ZNF804B: variants seen among roughly 807,000 people sequenced by gnomAD.
The protein encoded by ZNF804B is zinc finger protein 804B, also known as zinc finger 804B.
In ZNF804B, 80 loss-of-function variants were observed where a neutral mutation model predicts 101.4. The observed-to-expected ratio is 0.79, with a 90% confidence interval of 0.66 to 0.95. The LOEUF is 0.95. Ranked by LOEUF, ZNF804B falls within the 40% of genes least tolerant of loss-of-function variation. The pLI, the probability that ZNF804B is intolerant of heterozygous loss-of-function variation, is 0.00. For missense variants in ZNF804B, 1,673 were observed against 1,561.9 expected, an observed-to-expected ratio of 1.07 and a Z score of -1.20; for synonymous variants, 622 against 558.8, an observed-to-expected ratio of 1.11 and a Z score of -1.59.
chr7:88,985,138 A>T (rs1793741853), intron 1 of ZNF804B, among the ~76,000 whole-genome samples: 1 of 151,956 alleles, frequency 6.6e-6, no homozygotes. Context: ...TATAGTCTAT[A>T]GTAGTTTTTG....
intron 1 of ZNF804B, among the ~76,000 whole-genome samples, chr7:88,844,390 CCTT>C (rs1178761890): frequency 6.6e-6 from 1 of 152,158 alleles, no homozygotes; most frequent in Admixed American, 6.5e-5. Flanking sequence ...TCACCCCCAA[CCTT>C]CTTTTTTGTG....
intron 1 of ZNF804B, among the ~76,000 whole-genome samples, chr7:88,929,922 G>C (rs1792857970): frequency 6.6e-6 from 1 of 151,856 alleles, no homozygotes; most frequent in South Asian, 2.1e-4. Context: ...TAACGACTAA[G>C]CATTTTTTCT....
At chr7:89,323,318 A>C (rs1188570897) in intron 2 of ZNF804B, among the ~76,000 whole-genome samples, 1 of 152,266 alleles carries the variant, frequency 6.6e-6, no homozygotes, top group Non-Finnish European at 1.5e-5. Flanking sequence ...GAATGACACA[A>C]GAACTTTGAA....
chr7:89,263,452 A>C (rs940605701), intron 2 of ZNF804B, among the ~76,000 whole-genome samples: 1 of 152,150 alleles, frequency 6.6e-6, no homozygotes, highest in Non-Finnish European at 1.5e-5. Context: ...TTATTTTTAT[A>C]TATGACAAAA....
intron 1 of ZNF804B, among the ~76,000 whole-genome samples, chr7:89,215,140 A>T (rs1045261157): frequency 2.0e-5 from 3 of 152,278 alleles, no homozygotes; most frequent in Non-Finnish European, 4.4e-5. Flanking sequence ...TTAGCACCTT[A>T]GAGGTAAGAA....
chr7:89,311,466 G>C (rs1426452144), intron 2 of ZNF804B, among the ~76,000 whole-genome samples: 2 of 152,038 alleles, frequency 1.3e-5, no homozygotes, highest in African/African-American at 2.4e-5. Flanking sequence ...GACTGTGATG[G>C]AATGCCAAAT....
chr7:89,046,869 G>T (rs948407624), intron 1 of ZNF804B, among the ~76,000 whole-genome samples: 4 of 151,194 alleles, frequency 2.6e-5, no homozygotes, highest in Non-Finnish European at 5.9e-5. Flanking sequence ...TTATATCACT[G>T]GTGCAGTCCA....
chr7:88,934,707 CA>C (rs1213126584), intron 1 of ZNF804B, among the ~76,000 whole-genome samples: 2 of 151,742 alleles, frequency 1.3e-5, no homozygotes, highest in African/African-American at 4.8e-5. Flanking sequence ...CTTACTCCTG[CA>C]AAAGTGGTAA....
chr7:89,094,310 T>G (rs1372616803), intron 1 of ZNF804B, among the ~76,000 whole-genome samples: 1 of 152,328 alleles, frequency 6.6e-6, no homozygotes, highest in South Asian at 2.1e-4. Flanking sequence ...TTTTCAAATG[T>G]TTATTTAACC....
At chr7:89,175,323 T>C (rs1450678509) in intron 1 of ZNF804B, among the ~76,000 whole-genome samples, 2 of 152,108 alleles carry the variant, frequency 1.3e-5, no homozygotes, top group East Asian at 1.9e-4. Context: ...GCACCATTTA[T>C]TGAAGACTGT....
chr7:89,302,510 T>TAG (rs151123987), intron 2 of ZNF804B, among the ~76,000 whole-genome samples: 4 of 150,732 alleles, frequency 2.7e-5, no homozygotes, highest in Middle Eastern at 3.4e-3. Flanking sequence ...GAAGTTATGC[T>TAG]AGAGAGAGAG....
In ZNF804B at chr7:89,211,293, T is replaced by C. The variant is rs137903075; in HGVS notation, c.109-6862T>C. Among the ~76,000 whole-genome samples, 329 of 152,330 alleles carry C rather than the reference T, an allele frequency of 2.2e-3. 1 individual carries two copies. The highest frequency in any genetic ancestry group is 3.9e-3 in the Non-Finnish European group (267 of 68,040). ...AAAAATTTTCTCCCACTCTTTAGGC[T>C]GCCTGTTTTCTCTGATGATAGTGGG... On this transcript the variant is annotated intron_variant, in intron 1 of 3. Transcript: ENST00000333190.
At chr7:89,186,559 G>A (rs998811764) in intron 1 of ZNF804B, among the ~76,000 whole-genome samples, 1 of 151,904 alleles carries the variant, frequency 6.6e-6, no homozygotes, top group Non-Finnish European at 1.5e-5. Context: ...ACTTAAGTAT[G>A]AATACTTTCA....
intron 2 of ZNF804B, among the ~76,000 whole-genome samples, chr7:89,242,627 T>C (rs1471215619): frequency 1.3e-5 from 2 of 151,778 alleles, no homozygotes; most frequent in African/African-American, 2.4e-5. Context: ...ATATTATACA[T>C]TGAAAAAAAA....
chr7:89,334,634 A>G lies in ZNF804B; in HGVS notation c.1652A>G (p.Lys551Arg), dbSNP rs2116003133. Residue 551 changes from lysine (K) to arginine (R), a missense_variant, in exon 4 of 4, where the codon AAA becomes AGA. Coordinates refer to ENST00000333190, the MANE Select transcript of ZNF804B (RefSeq NM_181646.5). ...CCGGATTGGGAAAAATTCCAGAGGAAATATAATTTGGACTACAGTGATTCT... is the reference window on the plus strand; with the variant it reads ...CCGGATTGGGAAAAATTCCAGAGGAGATATAATTTGGACTACAGTGATTCT... The part of the protein sequence containing the change: ...ANPDWEKFQR[K>R]YNLDYSDSEP... 6.2e-7 allele frequency: 1 copy of G among 1,613,838 alleles called. No individual in the cohort carries two copies. Among genetic ancestry groups the G allele is most frequent in the Non-Finnish European group, 8.5e-7 (1 of 1,179,854 alleles).
chr7:89,133,618 T>C (rs1451083002), intron 1 of ZNF804B, among the ~76,000 whole-genome samples: 1 of 152,054 alleles, frequency 6.6e-6, no homozygotes, highest in Non-Finnish European at 1.5e-5. Flanking sequence ...CAAAAGTCAC[T>C]TAAGAAATAA....
intron 1 of ZNF804B, among the ~76,000 whole-genome samples, chr7:88,989,376 A>T (rs1197290198): frequency 6.6e-6 from 1 of 152,122 alleles, no homozygotes; most frequent in Non-Finnish European, 1.5e-5. Flanking sequence ...CTCAGTCTTT[A>T]TTCCTATAAG....
chr7:89,165,188 T>C (rs933351045), intron 1 of ZNF804B, among the ~76,000 whole-genome samples: 1 of 152,106 alleles, frequency 6.6e-6, no homozygotes, highest in Non-Finnish European at 1.5e-5. Flanking sequence ...ACTTTTGTAG[T>C]GCTTTTCTGC....
rs546797789 is a variant in ZNF804B at position 88,851,821 on chromosome 7, T to C, written c.108+91737T>C. On this transcript the variant is annotated intron_variant, in intron 1 of 3. Transcript: ENST00000333190. Reference sequence around the variant, plus strand: ...CATGGAATTTATAACATATGCAGAATTGAAATGTGTGAAAACAGTGATGCA... The same window carrying C: ...CATGGAATTTATAACATATGCAGAACTGAAATGTGTGAAAACAGTGATGCA... Among the ~76,000 whole-genome samples the C allele has an allele frequency of 5.9e-5, 9 of 152,248 alleles. 1 individual carries two copies. Among genetic ancestry groups the C allele is most frequent in the African/African-American group, 2.2e-4 (9 of 41,552 alleles).
Sources: allele counts gnomAD v4.1 joint callset (sites outside exome capture counted in the v4.1 genomes callset), GRCh38; gene constraint gnomAD v4.1.1; transcripts MANE v1.5; gene names NCBI Gene and HGNC (gene_info 2026-07-23, HGNC 2026-07-21).